EYS: variants seen among roughly 807,000 people sequenced by gnomAD.
EYS encodes the protein EGF-like photoreceptor maintenance factor.
Under a neutral mutation model 282.1 loss-of-function variants are expected in EYS, and 250 were observed. The ratio of observed to expected loss-of-function variants is 0.89; its 90% CI spans 0.80 to 0.98. The LOEUF (loss-of-function observed/expected upper bound fraction) is 0.98, where lower values mean the gene tolerates loss of function less well. Ranked by LOEUF, EYS falls within the 50% of genes least tolerant of loss-of-function variation. EYS has a pLI of 0.00. For synonymous variants in EYS, 1,355 were observed against 1,282.9 expected, an observed-to-expected ratio of 1.06 and a Z score of -1.20; for missense variants, 4,016 against 3,709.0, an observed-to-expected ratio of 1.08 and a Z score of -2.15.
At chr6:64,150,262 A>T (rs797018393) in intron 31 of EYS, among the ~76,000 whole-genome samples, 6 of 152,338 alleles carry the variant, frequency 3.9e-5, no homozygotes, top group African/African-American at 1.4e-4. Flanking sequence ...GGCTGAAAAG[A>T]AATCTAGATT....
chr6:63,812,620 T>C (rs1426565246), intron 36 of EYS, among the ~76,000 whole-genome samples: 1 of 152,146 alleles, frequency 6.6e-6, no homozygotes, highest in Non-Finnish European at 1.5e-5. Context: ...TATCAAATGG[T>C]TGAATACATG....
At chr6:64,428,213 G>C (rs903570917) in intron 28 of EYS, among the ~76,000 whole-genome samples, 3 of 151,950 alleles carry the variant, frequency 2.0e-5, no homozygotes, top group African/African-American at 4.8e-5. Flanking sequence ...TCACAGGAAG[G>C]CTTTCTGAAA....
intron 22 of EYS, among the ~76,000 whole-genome samples, chr6:64,640,889 C>A (rs1259857087): frequency 6.6e-6 from 1 of 152,172 alleles, no homozygotes; most frequent in Non-Finnish European, 1.5e-5. Context: ...ACACGAAGCT[C>A]AGAATCTAAG....
intron 2 of EYS, among the ~76,000 whole-genome samples, chr6:65,563,583 A>C (rs1331206): frequency 6.6e-6 from 1 of 151,660 alleles, no homozygotes; most frequent in African/African-American, 2.4e-5. Flanking sequence ...AGTTTTTTTT[A>C]TCTAAAGAAA....
chr6:64,289,571 T>C (rs550513980), intron 30 of EYS, among the ~76,000 whole-genome samples: 121 of 152,208 alleles, frequency 7.9e-4, no homozygotes, highest in African/African-American at 2.7e-3. Flanking sequence ...GATTCTGTTA[T>C]GCCTGCTTTG....
chr6:65,293,344 T>C (rs1187819316), intron 12 of EYS, among the ~76,000 whole-genome samples: 2 of 151,896 alleles, frequency 1.3e-5, no homozygotes, highest in African/African-American at 4.8e-5. Context: ...GGTTATAACC[T>C]GAAAAAACAC....
intron 33 of EYS, among the ~76,000 whole-genome samples, chr6:64,038,934 A>C (rs1381009629): frequency 6.6e-6 from 1 of 152,196 alleles, no homozygotes; most frequent in South Asian, 2.1e-4. Context: ...TCTCCTGAGT[A>C]GCTAGAACCA....
chr6:65,316,563 G>C (rs544810874), intron 11 of EYS, among the ~76,000 whole-genome samples: 3 of 150,196 alleles, frequency 2.0e-5, no homozygotes, highest in South Asian at 2.1e-4. Context: ...CAAGTGCCAC[G>C]GTGGTTTGCT....
intron 28 of EYS, among the ~76,000 whole-genome samples, chr6:64,418,786 A>C (rs1774137294): frequency 1.3e-5 from 2 of 151,984 alleles, no homozygotes; most frequent in Non-Finnish European, 2.9e-5. Flanking sequence ...CCCATGGAAA[A>C]AAAAAAGAGT....
At chr6:65,461,686 G>A (rs567316824) in intron 5 of EYS, among the ~76,000 whole-genome samples, 1 of 152,078 alleles carries the variant, frequency 6.6e-6, no homozygotes, top group South Asian at 2.1e-4. Flanking sequence ...TAAGTTTTAA[G>A]GGCACTGAAT....
At chr6:64,317,839 C>A (rs752554095) in intron 29 of EYS, among the ~76,000 whole-genome samples, 1 of 152,066 alleles carries the variant, frequency 6.6e-6, no homozygotes, top group African/African-American at 2.4e-5. Flanking sequence ...CCATGGAATA[C>A]TATGCAGCCA....
In EYS at chr6:64,942,289, T is replaced by C. The variant is rs968676668; in HGVS notation, c.2381+3504A>G. 4.8e-5 allele frequency among the ~76,000 whole-genome samples: 7 copies of C among 145,522 alleles called. No individual in the cohort carries two copies. In the Admixed American group the frequency reaches 5.0e-4, roughly 10 times the overall value. On this transcript the variant is annotated intron_variant, in intron 15 of 42. Transcript: ENST00000503581. ...AAATGTCAGAAAGATATCAAACTAA[T>C]GATCCAATATCATACTTGGAAAACC...
chr6:64,384,249 C>T (rs573950252), intron 29 of EYS, among the ~76,000 whole-genome samples: 1 of 152,150 alleles, frequency 6.6e-6, no homozygotes, highest in East Asian at 1.9e-4. Flanking sequence ...GTCCCTATTT[C>T]CAAATGGATT....
intron 41 of EYS, among the ~76,000 whole-genome samples, chr6:63,753,140 G>GTATATATATA (rs33925107): frequency 1.2e-4 from 17 of 136,032 alleles, no homozygotes; most frequent in African/African-American, 3.3e-4. Context: ...GTGTGTGTGT[G>GTATATATATA]TATATATATA....
chr6:64,935,760 A>G (rs916353473), intron 15 of EYS, among the ~76,000 whole-genome samples: 9 of 151,736 alleles, frequency 5.9e-5, no homozygotes, highest in Non-Finnish European at 7.4e-5. Context: ...TAACCCAAAA[A>G]AAGTATAGCA....
At chr6:64,252,840 G>A (rs1007423422) in intron 30 of EYS, among the ~76,000 whole-genome samples, 5 of 152,078 alleles carry the variant, frequency 3.3e-5, no homozygotes, top group African/African-American at 4.8e-5. Flanking sequence ...TACTGCAATA[G>A]CTTATTTATT....
At chr6:63,975,555 T>C (rs1284669585) in intron 35 of EYS, among the ~76,000 whole-genome samples, 1 of 152,056 alleles carries the variant, frequency 6.6e-6, no homozygotes, top group Non-Finnish European at 1.5e-5. Context: ...TCTTTTCTAA[T>C]AGCATGTGTA....
intron 41 of EYS, among the ~76,000 whole-genome samples, chr6:63,736,137 G>A (rs1301878023): frequency 6.6e-6 from 1 of 152,174 alleles, no homozygotes; most frequent in Non-Finnish European, 1.5e-5. Flanking sequence ...TGCTTTTGGT[G>A]TTTTAGACGT....
At chr6:64,306,565 T>C (rs1277320349) in intron 30 of EYS, among the ~76,000 whole-genome samples, 1 of 152,116 alleles carries the variant, frequency 6.6e-6, no homozygotes, top group Non-Finnish European at 1.5e-5. Context: ...ACGTCTCCCA[T>C]AATGGAAACT....
Sources: gnomAD v4.1 joint callset for allele counts (sites outside exome capture counted in the v4.1 genomes callset) on GRCh38, gnomAD v4.1.1 for gene constraint, MANE v1.5 for transcripts, NCBI Gene and HGNC (gene_info 2026-07-23, HGNC 2026-07-21) for gene names.